Variants in UBE2E2 observed in about 807,000 individuals in gnomAD.
The protein encoded by UBE2E2 is ubiquitin-conjugating enzyme E2 E2.
Under a neutral mutation model 24.7 loss-of-function variants are expected in UBE2E2, and 6 were observed. The observed-to-expected ratio is 0.24, with a 90% CI of 0.13 to 0.48. The LOEUF (loss-of-function observed/expected upper bound fraction) is 0.48, where lower values mean the gene tolerates loss of function less well. Among genes scored for constraint, UBE2E2 ranks in the 20% least tolerant of loss-of-function variants. The pLI, the probability that UBE2E2 is intolerant of heterozygous loss-of-function variation, is 0.99. For missense variants in UBE2E2, 169 were observed against 245.0 expected (o/e 0.69, Z 2.07); for synonymous variants, 104 against 83.6 (o/e 1.24, Z -1.33).
At chr3:23,235,695 T>A (rs1697085504) in intron 3 of UBE2E2, among the ~76,000 whole-genome samples, 1 of 152,074 alleles carries the variant, frequency 6.6e-6, no homozygotes, top group Non-Finnish European at 1.5e-5. Context: ...CAGGATTTGC[T>A]GATGGGTAAA....
intron 4 of UBE2E2, among the ~76,000 whole-genome samples, chr3:23,511,438 T>C (rs557180099): frequency 2.0e-5 from 3 of 152,354 alleles, no homozygotes; most frequent in African/African-American, 4.8e-5. Flanking sequence ...GAGGAACTTA[T>C]GGGACACCTG....
At chr3:23,405,611 G>A (rs892096256) in intron 3 of UBE2E2, among the ~76,000 whole-genome samples, 2 of 152,136 alleles carry the variant, frequency 1.3e-5, no homozygotes, top group African/African-American at 2.4e-5. Context: ...GAGGGGAGGA[G>A]TATAGAGGTG....
chr3:23,328,535 G>A (rs973696693), intron 3 of UBE2E2, among the ~76,000 whole-genome samples: 82 of 152,086 alleles, frequency 5.4e-4, no homozygotes, highest in African/African-American at 1.9e-3. Flanking sequence ...TAGTAGGTTA[G>A]GTATATAAAT....
At chr3:23,303,621 C>T (rs1422463852) in intron 3 of UBE2E2, among the ~76,000 whole-genome samples, 1 of 151,998 alleles carries the variant, frequency 6.6e-6, no homozygotes, top group African/African-American at 2.4e-5. Context: ...TTAAATATAT[C>T]CTATAAAATA....
chr3:23,511,725 CTGTT>C (rs1016690189), intron 4 of UBE2E2, among the ~76,000 whole-genome samples: 3 of 152,192 alleles, frequency 2.0e-5, no homozygotes, highest in Admixed American at 6.5e-5. Flanking sequence ...TAAGTTCTCA[CTGTT>C]TGGGGATTGG....
In UBE2E2 at chr3:23,481,700, A is replaced by G. The variant is rs1699263491; in HGVS notation, c.228-17908A>G. 2.6e-5 allele frequency among the ~76,000 whole-genome samples: 4 copies of G among 152,242 alleles called. No individual in the cohort carries two copies. The South Asian group carries it at 8.3e-4, about 31-fold the overall frequency. On this transcript the variant is annotated intron_variant, in intron 3 of 5. Transcript: ENST00000396703. Reference sequence around the variant, plus strand: ...ATAAATTAAATCTGCCTGGCAGCCAACAACCCAACATGTTAGCAGACACTG... The same window carrying G: ...ATAAATTAAATCTGCCTGGCAGCCAGCAACCCAACATGTTAGCAGACACTG...
In UBE2E2 at chr3:23,590,318, T is replaced by A. The variant is rs2125524850; in HGVS notation, c.*487T>A. 1 of 155,798 alleles carries A rather than the reference T, an allele frequency of 6.4e-6. No homozygotes were observed. The highest frequency in any genetic ancestry group is 1.4e-5 in the Non-Finnish European group (1 of 69,924). The allele number at this position is 155,798 out of a possible 1,614,324, so 9.7% of individuals were successfully genotyped here. Reference sequence around the variant, plus strand: ...AGGGTTAATTTTTTGTACTGAAGTCTTTATTGGTGGGTGCATGCTACTGGG... The same window carrying A: ...AGGGTTAATTTTTTGTACTGAAGTCATTATTGGTGGGTGCATGCTACTGGG... On this transcript the variant is annotated 3_prime_UTR_variant, in exon 6 of 6. Coordinates refer to ENST00000396703, the MANE Select transcript of UBE2E2 (RefSeq NM_152653.4).
intron 3 of UBE2E2, among the ~76,000 whole-genome samples, chr3:23,387,480 C>A (rs923689327): frequency 6.6e-6 from 1 of 152,138 alleles, no homozygotes; most frequent in Non-Finnish European, 1.5e-5. Context: ...ATCTATAGGA[C>A]ACAGTTTTCT....
chr3:23,390,531 C>G (rs570501071), intron 3 of UBE2E2, among the ~76,000 whole-genome samples: 2 of 152,162 alleles, frequency 1.3e-5, no homozygotes, highest in Admixed American at 6.5e-5. Context: ...GTGACCTGAT[C>G]CTTCCTAGAT....
At chr3:23,479,477 G>A (rs1348251839) in intron 3 of UBE2E2, among the ~76,000 whole-genome samples, 2 of 152,132 alleles carry the variant, frequency 1.3e-5, no homozygotes, top group African/African-American at 4.8e-5. Context: ...CCTAGGCCTG[G>A]GCTCCCCAGA....
intron 3 of UBE2E2, among the ~76,000 whole-genome samples, chr3:23,312,072 A>G (rs920377155): frequency 1.3e-5 from 2 of 151,998 alleles, no homozygotes; most frequent in Non-Finnish European, 2.9e-5. Flanking sequence ...TGGTTGTTTA[A>G]AAGTATGTAG....
intron 3 of UBE2E2, among the ~76,000 whole-genome samples, chr3:23,293,054 C>G (rs4858492): frequency 0.39 from 59,538 of 152,020 alleles, 12,152 homozygotes; most frequent in Admixed American, 0.53. Flanking sequence ...GCCTGGGCAA[C>G]AAGAGCGAAA....
rs912878455 is a variant in UBE2E2, at chr3:23,217,444, CTG to C, written c.227+135_227+136del. 12 of 800,016 alleles carry C rather than the reference CTG, an allele frequency of 1.5e-5. No homozygotes were observed. In the Admixed American group the frequency reaches 2.2e-4, roughly 15 times the overall value. The allele number at this position is 800,016 out of a possible 1,614,324, so 49.6% of individuals were successfully genotyped here. A position where few individuals can be genotyped will look rare whatever the true frequency, so the allele number is the denominator to read the frequency against. On this transcript the variant is annotated intron_variant, in intron 3 of 5. Coordinates refer to ENST00000396703, the MANE Select transcript of UBE2E2 (RefSeq NM_152653.4). ...ATCATTGTTGTTTGAACTTAAGTGA[CTG>C]TGGAAGACAATGGTTTTTGTCATCT...
intron 3 of UBE2E2, among the ~76,000 whole-genome samples, chr3:23,355,737 TA>T (rs2125325933): frequency 6.6e-6 from 1 of 152,330 alleles, no homozygotes; most frequent in East Asian, 1.9e-4. Flanking sequence ...CTCTGATCTA[TA>T]AAACCTGTAT....
At chr3:23,244,016 T>C (rs1697322321) in intron 3 of UBE2E2, among the ~76,000 whole-genome samples, 2 of 152,058 alleles carry the variant, frequency 1.3e-5, no homozygotes, top group Admixed American at 1.3e-4. Flanking sequence ...CATGAAGGTT[T>C]AAAAAAACCT....
chr3:23,513,294 C>G (rs970834166), intron 4 of UBE2E2, among the ~76,000 whole-genome samples: 1 of 152,056 alleles, frequency 6.6e-6, no homozygotes, highest in Admixed American at 6.6e-5. Flanking sequence ...GTATGCAGTC[C>G]TCCTCATTGC....
intron 5 of UBE2E2, among the ~76,000 whole-genome samples, chr3:23,566,724 C>G (rs143804313): frequency 0.011 from 1,735 of 152,196 alleles, 17 homozygotes; most frequent in Middle Eastern, 0.02. Context: ...GAGCACTGAG[C>G]CGTTCATGAG....
At chr3:23,584,726 GTTTTTTT>G (rs1158915900) in intron 5 of UBE2E2, among the ~76,000 whole-genome samples, 5 of 113,490 alleles carry the variant, frequency 4.4e-5, no homozygotes, top group Admixed American at 9.3e-5. Flanking sequence ...GCTGTTTTTT[GTTTTTTT>G]TTTTTTTTTT....
At chr3:23,487,432 T>G (rs1164472360) in intron 3 of UBE2E2, among the ~76,000 whole-genome samples, 1 of 152,166 alleles carries the variant, frequency 6.6e-6, no homozygotes, top group Non-Finnish European at 1.5e-5. Flanking sequence ...TGGGATCACC[T>G]GTTCCCTGCC....
Sources: allele counts gnomAD v4.1 joint callset (sites outside exome capture counted in the v4.1 genomes callset), GRCh38; gene constraint gnomAD v4.1.1; transcripts MANE v1.5; gene names NCBI Gene and HGNC (gene_info 2026-07-23, HGNC 2026-07-21).